The following AKAP19 variants were observed in gnomAD, a reference collection of about 807,000 sequenced individuals.
AKAP19 encodes A-kinase anchoring protein 19.
At chr2:189,952,431 T>C in the AKAP19 span, among the ~76,000 whole-genome samples, 1 of 145,066 alleles carries the variant, frequency 6.9e-6, no homozygotes, top group Non-Finnish European at 1.5e-5. Context: ...AATCATATCA[T>C]TTTTTTTTTC....
At chr2:190,091,973 A>G in the AKAP19 span, among the ~76,000 whole-genome samples, 7 of 152,250 alleles carry the variant, frequency 4.6e-5, no homozygotes, top group East Asian at 1.9e-4. Context: ...ACTGACTACA[A>G]TATCTTCCTC....
At chr2:190,115,803 G>A in the AKAP19 span, among the ~76,000 whole-genome samples, 1 of 152,124 alleles carries the variant, frequency 6.6e-6, no homozygotes, top group African/African-American at 2.4e-5. Context: ...AATGGTCAGA[G>A]GCCTAATGGG....
At chr2:190,178,587 C>G in the AKAP19 span, among the ~76,000 whole-genome samples, 6 of 152,204 alleles carry the variant, frequency 3.9e-5, no homozygotes, top group Non-Finnish European at 8.8e-5. The surrounding 1 kb of genome is among the most constrained non-coding windows in gnomAD (Gnocchi z 6.3). Flanking sequence ...TGGGTCTCCC[C>G]CACCAGCTTG....
chr2:189,972,050 C>G, the AKAP19 span, among the ~76,000 whole-genome samples: 1 of 152,110 alleles, frequency 6.6e-6, no homozygotes, highest in African/African-American at 2.4e-5. Flanking sequence ...ACATGAAGTC[C>G]TTGCCCATTC....
chr2:190,117,613 C>A, the AKAP19 span, among the ~76,000 whole-genome samples: 1 of 152,208 alleles, frequency 6.6e-6, no homozygotes, highest in East Asian at 1.9e-4. Context: ...ATGCCCATCA[C>A]CCACTGCTTA....
the AKAP19 span, among the ~76,000 whole-genome samples, chr2:190,172,657 T>A: frequency 6.6e-6 from 1 of 152,246 alleles, no homozygotes; most frequent in African/African-American, 2.4e-5. Context: ...ACACCTGAGA[T>A]GTTGGAAAGC....
At chr2:190,078,798 T>C in the AKAP19 span, among the ~76,000 whole-genome samples, 2 of 152,188 alleles carry the variant, frequency 1.3e-5, no homozygotes, top group Non-Finnish European at 2.9e-5. Context: ...TTTAGGATTT[T>C]ACCCTCTGAT....
the AKAP19 span, among the ~76,000 whole-genome samples, chr2:189,890,697 C>A: frequency 6.6e-6 from 1 of 151,908 alleles, no homozygotes; most frequent in Admixed American, 6.6e-5. Flanking sequence ...TTTTAAAAAT[C>A]TTTGTTAGTT....
chr2:190,156,472 C>A, the AKAP19 span, among the ~76,000 whole-genome samples: 2 of 152,022 alleles, frequency 1.3e-5, no homozygotes, highest in Admixed American at 1.3e-4. Context: ...GAATGCTATG[C>A]TTTATTGAAA....
the AKAP19 span, among the ~76,000 whole-genome samples, chr2:189,999,206 T>C: frequency 6.6e-6 from 1 of 152,224 alleles, no homozygotes; most frequent in Non-Finnish European, 1.5e-5. Flanking sequence ...TCTTTATCAA[T>C]GTATGTGTTT....
At chr2:189,992,180 C>T in the AKAP19 span, among the ~76,000 whole-genome samples, 11 of 151,692 alleles carry the variant, frequency 7.3e-5, no homozygotes, top group South Asian at 6.2e-4. Flanking sequence ...CTCAGCCTCC[C>T]GAGTAGATGG....
At chr2:190,071,032 C>T in the AKAP19 span, among the ~76,000 whole-genome samples, 5 of 152,138 alleles carry the variant, frequency 3.3e-5, no homozygotes, top group South Asian at 2.1e-4. Flanking sequence ...AACATTACTA[C>T]GGCTTAGTGA....
At chr2:190,189,386 G>A in the AKAP19 span, among the ~76,000 whole-genome samples, 5 of 152,240 alleles carry the variant, frequency 3.3e-5, no homozygotes, top group African/African-American at 9.6e-5. Flanking sequence ...GTGAACTCTG[G>A]GTCAGCAAGT....
chr2:190,144,202 A>G, the AKAP19 span, among the ~76,000 whole-genome samples: 1 of 150,570 alleles, frequency 6.6e-6, no homozygotes, highest in African/African-American at 2.4e-5. Context: ...AAATATTAAT[A>G]AAATTATAAC....
the AKAP19 span, among the ~76,000 whole-genome samples, chr2:189,920,842 C>T: frequency 6.6e-6 from 1 of 152,162 alleles, no homozygotes; most frequent in South Asian, 2.1e-4. Context: ...ACCCTGTCTT[C>T]CGGTACTTGA....
At chr2:190,030,856 G>A in the AKAP19 span, among the ~76,000 whole-genome samples, 1 of 152,188 alleles carries the variant, frequency 6.6e-6, no homozygotes, top group East Asian at 1.9e-4. Flanking sequence ...GGCAAGGTAT[G>A]TTAGTAGCCC....
At chr2:190,192,327 T>C in the AKAP19 span, among the ~76,000 whole-genome samples, 1 of 152,244 alleles carries the variant, frequency 6.6e-6, no homozygotes, top group East Asian at 1.9e-4. Flanking sequence ...TTTGTCAATA[T>C]AGCACTAATT....
At chr2:190,064,238 C>T in the AKAP19 span, among the ~76,000 whole-genome samples, 2 of 152,118 alleles carry the variant, frequency 1.3e-5, no homozygotes, top group African/African-American at 4.8e-5. Context: ...TTAAGGAAAA[C>T]CAGACACAAA....
At chr2:189,908,810 T>C in the AKAP19 span, among the ~76,000 whole-genome samples, 1 of 152,218 alleles carries the variant, frequency 6.6e-6, no homozygotes, top group South Asian at 2.1e-4. Flanking sequence ...CATGTGTACT[T>C]TGGAAGAATG....
Sources: gnomAD v4.1 joint callset for allele counts (sites outside exome capture counted in the v4.1 genomes callset) on GRCh38, gnomAD v4.1.1 for gene constraint, Gnocchi (gnomAD v3.1) non-coding constraint, MANE v1.5 for transcripts, NCBI Gene and HGNC (gene_info 2026-07-23, HGNC 2026-07-21) for gene names.